The following ZNF385D variants were observed in gnomAD, a reference collection of about 807,000 sequenced individuals.
ZNF385D encodes zinc finger protein 385D, also known as zinc finger protein 659.
ZNF385D carries 15 observed loss-of-function variants against 35.8 expected under a neutral mutation model. The ratio of observed to expected loss-of-function variants is 0.42; its 90% CI spans 0.28 to 0.64. The LOEUF (loss-of-function observed/expected upper bound fraction) is 0.64. Among genes scored for constraint, ZNF385D ranks in the 30% least tolerant of loss-of-function variants. ZNF385D has a pLI of 0.23. For synonymous variants in ZNF385D, 212 were observed against 186.8 expected, an observed-to-expected ratio of 1.13 and a Z score of -1.10; for missense variants, 474 against 494.6, an observed-to-expected ratio of 0.96 and a Z score of 0.39.
intron 4 of ZNF385D, among the ~76,000 whole-genome samples, chr3:21,507,387 A>AT (rs972101069): frequency 7.2e-5 from 11 of 152,098 alleles, no homozygotes; most frequent in Admixed American, 2.0e-4. Context: ...TTTCATATAG[A>AT]TTTTTTAATT....
At chr3:21,938,801 A>G (rs1361261677) in intron 3 of ZNF385D, among the ~76,000 whole-genome samples, 4 of 152,188 alleles carry the variant, frequency 2.6e-5, no homozygotes, top group Non-Finnish European at 5.9e-5. Context: ...TTATCCCACA[A>G]AGTCAAGATC....
chr3:22,348,027 C>A (rs558811407), intron 2 of ZNF385D, among the ~76,000 whole-genome samples: 1 of 152,146 alleles, frequency 6.6e-6, no homozygotes, highest in Admixed American at 6.5e-5. Flanking sequence ...ATAATTGCAG[C>A]ATGTATAAAA....
chr3:21,808,315 C>A (rs1467018265), intron 3 of ZNF385D, among the ~76,000 whole-genome samples: 1 of 152,134 alleles, frequency 6.6e-6, no homozygotes, highest in Non-Finnish European at 1.5e-5. Flanking sequence ...ACAAAGAGAC[C>A]TGTAGTATAA....
intron 3 of ZNF385D, among the ~76,000 whole-genome samples, chr3:22,143,623 A>G (rs1177553717): frequency 6.6e-6 from 1 of 152,148 alleles, no homozygotes; most frequent in African/African-American, 2.4e-5. Context: ...AAATATTCCT[A>G]TATTGATGGC....
intron 4 of ZNF385D, among the ~76,000 whole-genome samples, chr3:21,505,345 T>C (rs1485225887): frequency 1.3e-5 from 2 of 151,766 alleles, no homozygotes; most frequent in Non-Finnish European, 2.9e-5. Context: ...GCCATGATAG[T>C]GTTCAAATAG....
intron 2 of ZNF385D, among the ~76,000 whole-genome samples, chr3:22,289,339 C>T (rs959969893): frequency 1.3e-5 from 2 of 152,142 alleles, no homozygotes; most frequent in Non-Finnish European, 2.9e-5. Context: ...CATACACAAT[C>T]TATTTGTGTG....
chr3:22,165,219 A>T (rs1449551120), intron 3 of ZNF385D, among the ~76,000 whole-genome samples: 1 of 152,244 alleles, frequency 6.6e-6, no homozygotes, highest in African/African-American at 2.4e-5. Context: ...ACTGTTGTGC[A>T]TGGTGTTGAT....
At chr3:22,128,813 G>C (rs569689028) in intron 3 of ZNF385D, among the ~76,000 whole-genome samples, 26 of 152,088 alleles carry the variant, frequency 1.7e-4, no homozygotes, top group African/African-American at 4.3e-4. Context: ...TGTTTTCTTG[G>C]ATATCACTGA....
intron 3 of ZNF385D, among the ~76,000 whole-genome samples, chr3:21,781,734 T>C (rs1243730023): frequency 2.0e-5 from 3 of 151,874 alleles, no homozygotes; most frequent in Non-Finnish European, 4.4e-5. Context: ...GCTCATAATA[T>C]TAAAGAGTAT....
intron 2 of ZNF385D, among the ~76,000 whole-genome samples, chr3:22,208,519 T>C (rs918891311): frequency 1.1e-4 from 16 of 151,612 alleles, no homozygotes; most frequent in Non-Finnish European, 2.4e-4. Context: ...AAAAAATGAA[T>C]GTCTACAGTC....
intron 1 of ZNF385D, among the ~76,000 whole-genome samples, chr3:21,680,865 T>C (rs933699462): frequency 3.3e-5 from 5 of 152,162 alleles, no homozygotes; most frequent in African/African-American, 1.2e-4. Context: ...GCTACACAGT[T>C]CAGCATAGAA....
At position 22,169,130 on chromosome 3, in the gene ZNF385D, C is replaced by T. The variant is rs1176080271; in HGVS notation, c.107-95G>A. On this transcript the variant is annotated intron_variant, in intron 2 of 5. Transcript: ENST00000494108. ...GGTGGCAAATAAGGATTGTTCTACA[C>T]ACAAGAATTAAAAATTTCTATGTAC... 7 of 492,308 alleles carry T rather than the reference C, an allele frequency of 1.4e-5. No homozygotes were observed. The Admixed American group carries it at 3.8e-4, about 27-fold the overall frequency. The allele number at this position is 492,308 out of a possible 1,614,324, so 30.5% of individuals were successfully genotyped here. A position where few individuals can be genotyped will look rare whatever the true frequency, so the allele number is the denominator to read the frequency against.
Position 21,760,529 on chromosome 3 carries a change from A to T in ZNF385D, c.326-95501T>A, listed in dbSNP as rs186149576. Among the ~76,000 whole-genome samples, 134 of 152,342 alleles carry T rather than the reference A, an allele frequency of 8.8e-4. 1 individual carries two copies. Among genetic ancestry groups the T allele is most frequent in the Admixed American group, 3.5e-3 (53 of 15,306 alleles). On this transcript the variant is annotated intron_variant, in intron 3 of 5. Transcript: ENST00000494108. ...TATATGAAGGTAACCCTCACATTTC[A>T]TATTTAAAATTATAAAATCATGGGA...
chr3:22,019,082 C>A (rs1697070924), intron 3 of ZNF385D, among the ~76,000 whole-genome samples: 1 of 102,008 alleles, frequency 9.8e-6, no homozygotes, highest in Non-Finnish European at 1.9e-5. Context: ...AGGAGGCTAT[C>A]CCTGTAGGGT....
At chr3:21,945,098 G>A (rs944491798) in intron 3 of ZNF385D, among the ~76,000 whole-genome samples, 7 of 149,518 alleles carry the variant, frequency 4.7e-5, no homozygotes, top group African/African-American at 1.7e-4. Flanking sequence ...ATATTTGAAT[G>A]TGTGTGTGTG....
At chr3:21,774,519 C>A (rs1466489539) in intron 3 of ZNF385D, among the ~76,000 whole-genome samples, 2 of 151,744 alleles carry the variant, frequency 1.3e-5, no homozygotes, top group Non-Finnish European at 2.9e-5. Context: ...CTGATGGAAA[C>A]AGGAGATGGG....
chr3:21,768,373 A>AGCAGAG (rs1337343600), intron 3 of ZNF385D, among the ~76,000 whole-genome samples: 1 of 152,086 alleles, frequency 6.6e-6, no homozygotes, highest in African/African-American at 2.4e-5. Context: ...CCTGGGAAGT[A>AGCAGAG]GCAGAGTAGA....
intron 3 of ZNF385D, among the ~76,000 whole-genome samples, chr3:21,894,874 A>G (rs1699052029): frequency 6.6e-6 from 1 of 152,090 alleles, no homozygotes; most frequent in Admixed American, 6.6e-5. Context: ...CAACCTCTGA[A>G]GAGTCAAGAT....
intron 2 of ZNF385D, among the ~76,000 whole-genome samples, chr3:22,368,713 G>T (rs956161116): frequency 1.3e-5 from 2 of 151,960 alleles, no homozygotes; most frequent in Non-Finnish European, 1.5e-5. Flanking sequence ...CCATTACAGG[G>T]GCTCTACCCT....
Sources: gnomAD v4.1 joint callset for allele counts (sites outside exome capture counted in the v4.1 genomes callset) on GRCh38, gnomAD v4.1.1 for gene constraint, MANE v1.5 for transcripts, NCBI Gene and HGNC (gene_info 2026-07-23, HGNC 2026-07-21) for gene names.